The following PPP6R3 variants were observed in gnomAD, a reference collection of about 807,000 sequenced individuals.
PPP6R3 encodes the protein protein phosphatase 6 regulatory subunit 3, also known as serine/threonine-protein phosphatase 6 regulatory subunit 3.
Under a neutral mutation model 110.7 loss-of-function variants are expected in PPP6R3, and 38 were observed. The ratio of observed to expected loss-of-function variants is 0.34; its 90% confidence interval spans 0.26 to 0.45. The LOEUF is 0.45. PPP6R3 is among the 20% of genes least tolerant of loss of function. The pLI, the probability that PPP6R3 is intolerant of heterozygous loss-of-function variation, is 1.00. For missense variants in PPP6R3, 870 were observed against 1,062.4 expected (o/e 0.82, Z 2.52); for synonymous variants, 369 against 373.5 (o/e 0.99, Z 0.14).
chr11:68,507,491 G>A (rs1217180586), intron 1 of PPP6R3, among the ~76,000 whole-genome samples: 2 of 151,954 alleles, frequency 1.3e-5, no homozygotes, highest in Non-Finnish European at 2.9e-5. Context: ...GATGATTTTT[G>A]TATTCAAAAT....
At chr11:68,603,292 A>G (rs749930659) in intron 21 of PPP6R3, 50 bp from the exon 22 acceptor site, 66 of 1,605,194 alleles carry the variant, frequency 4.1e-5, no homozygotes, top group Non-Finnish European at 5.5e-5. Flanking sequence ...GTGGGGTGCC[A>G]GTTCCTTTTC....
At chr11:68,611,877 A>G (rs1004437636) in intron 23 of PPP6R3, among the ~76,000 whole-genome samples, 2 of 152,212 alleles carry the variant, frequency 1.3e-5, no homozygotes, top group African/African-American at 4.8e-5. Flanking sequence ...CCAGCCAGAT[A>G]CCACAGTTCC....
At chr11:68,596,341 G>A (rs2099613835) in intron 19 of PPP6R3, 123 bp downstream of exon 19, 22 of 1,333,538 alleles carry the variant, frequency 1.6e-5, no homozygotes, top group South Asian at 1.6e-4. Context: ...GTTGAAGCGT[G>A]TTGTCAAGTG....
intron 1 of PPP6R3, among the ~76,000 whole-genome samples, chr11:68,517,615 G>A (rs2099143508): frequency 6.6e-6 from 1 of 152,152 alleles, no homozygotes; most frequent in Non-Finnish European, 1.5e-5. Context: ...CTGGCCAAAT[G>A]TGGGACAATT....
intron 17 of PPP6R3, 139 bp from the exon 18 acceptor site, chr11:68,591,437 T>C (rs2099595077): frequency 2.8e-6 from 2 of 722,202 alleles, no homozygotes; most frequent in East Asian, 6.1e-5. Flanking sequence ...TGTTAGGTGT[T>C]TATATTTTAT....
intron 1 of PPP6R3, among the ~76,000 whole-genome samples, chr11:68,466,018 C>G (rs1214590029): frequency 6.6e-6 from 1 of 152,214 alleles, no homozygotes; most frequent in African/African-American, 2.4e-5. Flanking sequence ...AACAGTTATC[C>G]TTTGACCAAA....
intron 23 of PPP6R3, 142 bp downstream of exon 23, chr11:68,610,165 C>A: frequency 1.7e-6 from 2 of 1,185,808 alleles, no homozygotes; most frequent in South Asian, 1.6e-5. Flanking sequence ...AGGGTTTTCT[C>A]AGTCCTTAAT....
intron 1 of PPP6R3, among the ~76,000 whole-genome samples, chr11:68,507,195 T>C (rs1316035253): frequency 6.6e-6 from 1 of 152,050 alleles, no homozygotes; most frequent in Non-Finnish European, 1.5e-5. Context: ...TAGGAGGTGA[T>C]AGTATGGATT....
rs1258153182 is a variant in PPP6R3, at chr11:68,554,101, C to T, written c.619-44C>T. The T allele has an allele frequency of 3.7e-6, 5 of 1,365,140 alleles. No homozygotes were observed. The African/African-American group carries it at 5.9e-5, about 16-fold the overall frequency. 84.6% of individuals were successfully genotyped at this position (1,365,140 alleles called of 1,614,324 possible). On this transcript the variant is annotated intron_variant, in intron 6 of 23. Transcript: ENST00000393800. ...TTTCATTTTTAAATTATAAATTTAA[C>T]TTCTAACATGTTTTATGGTTAAAAT...
At chr11:68,478,135 A>T (rs2098849174) in intron 1 of PPP6R3, among the ~76,000 whole-genome samples, 1 of 152,000 alleles carries the variant, frequency 6.6e-6, no homozygotes, top group African/African-American at 2.4e-5. Flanking sequence ...CTTTTAGTAG[A>T]GATGGGGTTT....
chr11:68,607,850 T>C (rs1396578828), intron 22 of PPP6R3, among the ~76,000 whole-genome samples: 1 of 152,090 alleles, frequency 6.6e-6, no homozygotes, highest in African/African-American at 2.4e-5. Flanking sequence ...CATAGCTCAC[T>C]GTAACTTCCA....
chr11:68,585,943 A>G (rs1408834604), intron 15 of PPP6R3, among the ~76,000 whole-genome samples: 1 of 152,180 alleles, frequency 6.6e-6, no homozygotes, highest in African/African-American at 2.4e-5. Flanking sequence ...ACCCAGGAGA[A>G]TCACATTAGG....
intron 1 of PPP6R3, among the ~76,000 whole-genome samples, chr11:68,508,366 G>A (rs1312861650): frequency 2.6e-5 from 4 of 151,970 alleles, no homozygotes; most frequent in East Asian, 1.9e-4. Context: ...TCCTGACCTC[G>A]TGATCCACCC....
chr11:68,559,538 G>C (rs2099411303), intron 8 of PPP6R3, among the ~76,000 whole-genome samples: 1 of 152,190 alleles, frequency 6.6e-6, no homozygotes, highest in Admixed American at 6.5e-5. Context: ...ACTTTTAGCG[G>C]TGTAATTTTG....
intron 2 of PPP6R3, chr11:68,522,575 G>C (rs190117712): frequency 2.0e-4 from 30 of 152,334 alleles, no homozygotes; most frequent in Non-Finnish European, 3.8e-4. Context: ...AGGGCAAACC[G>C]GGATGGTTAA....
chr11:68,571,343 G>T, intron 12 of PPP6R3: 1 of 456,412 alleles, frequency 2.2e-6, no homozygotes, highest in East Asian at 4.8e-5. Flanking sequence ...CCCCACCTCT[G>T]TGCTGCCTTT....
chr11:68,508,057 A>G (rs1280666956), intron 1 of PPP6R3, among the ~76,000 whole-genome samples: 2 of 148,518 alleles, frequency 1.3e-5, no homozygotes, highest in East Asian at 3.9e-4. Flanking sequence ...AAAAAAATTT[A>G]TATGAGAGGA....
At chr11:68,609,665 G>A (rs770300961) in intron 22 of PPP6R3, 9 of 1,559,290 alleles carry the variant, frequency 5.8e-6, no homozygotes, top group East Asian at 4.8e-5. Context: ...TTTATCAGAC[G>A]CCAGCCACAT....
At chr11:68,489,101 C>T (rs1378319211) in intron 1 of PPP6R3, among the ~76,000 whole-genome samples, 2 of 148,568 alleles carry the variant, frequency 1.3e-5, no homozygotes, top group Admixed American at 1.3e-4. Flanking sequence ...TCACTACAAG[C>T]TCTGCCTCCT....
Sources: allele counts gnomAD v4.1 joint callset (sites outside exome capture counted in the v4.1 genomes callset), GRCh38; gene constraint gnomAD v4.1.1; transcripts MANE v1.5; gene names NCBI Gene and HGNC (gene_info 2026-07-23, HGNC 2026-07-21).